Variants in DENND10 observed in about 807,000 individuals in gnomAD.
DENND10 encodes DENN domain containing 10, also known as DENN domain-containing protein 10.
A neutral mutation model predicts 43.6 loss-of-function variants in DENND10; 24 were observed. The observed-to-expected ratio is 0.55, with a 90% CI of 0.40 to 0.77. The LOEUF is 0.77. Ranked by LOEUF, DENND10 falls within the 30% of genes least tolerant of loss-of-function variation. The pLI, the probability that DENND10 is intolerant of heterozygous loss-of-function variation, is 0.00. For missense variants in DENND10, 303 were observed against 429.9 expected, an observed-to-expected ratio of 0.70 and a Z score of 2.61; for synonymous variants, 125 against 157.6, an observed-to-expected ratio of 0.79 and a Z score of 1.55.
intron 5 of DENND10, 130 bp from the exon 6 acceptor site, chr10:119,123,339 C>G: frequency 3.1e-6 from 2 of 639,096 alleles, no homozygotes; most frequent in East Asian, 2.7e-5. Context: ...GGGGCTTGGT[C>G]TCACCTCTGT....
chr10:119,122,997 G>A (rs893713756), intron 5 of DENND10, among the ~76,000 whole-genome samples: 1 of 152,216 alleles, frequency 6.6e-6, no homozygotes. Flanking sequence ...GCTGGGTGCA[G>A]TGGCTCACGC....
chr10:119,111,637 T>C (rs1373817934), intron 2 of DENND10, among the ~76,000 whole-genome samples: 1 of 152,146 alleles, frequency 6.6e-6, no homozygotes, highest in Non-Finnish European at 1.5e-5. Flanking sequence ...TCTCTAAATA[T>C]TGCATTCTTA....
chr10:119,106,289 G>A (rs1365287288), intron 1 of DENND10, among the ~76,000 whole-genome samples: 1 of 152,188 alleles, frequency 6.6e-6, no homozygotes, highest in Non-Finnish European at 1.5e-5. Context: ...CCTTTCGGCA[G>A]ATACCCAGTA....
At chr10:119,135,077 A>C (rs1170457814) in intron 8 of DENND10, 5 of 151,046 alleles carry the variant, frequency 3.3e-5, no homozygotes, top group Non-Finnish European at 7.4e-5. Flanking sequence ...AGGCAGGAGA[A>C]TCGCTTCAAC....
chr10:119,126,734 G>A (rs1845850475), intron 6 of DENND10, among the ~76,000 whole-genome samples: 1 of 152,044 alleles, frequency 6.6e-6, no homozygotes, highest in Non-Finnish European at 1.5e-5. Flanking sequence ...CAAAGTTCTG[G>A]GATTACAGGC....
intron 3 of DENND10, among the ~76,000 whole-genome samples, chr10:119,115,791 T>C (rs988018903): frequency 6.8e-6 from 1 of 146,444 alleles, no homozygotes; most frequent in Admixed American, 6.9e-5. Flanking sequence ...TGAGACGGAA[T>C]CTCGCTCTGT....
intron 2 of DENND10, among the ~76,000 whole-genome samples, chr10:119,110,497 G>A (rs551165699): frequency 1.7e-4 from 26 of 151,520 alleles, no homozygotes; most frequent in African/African-American, 4.8e-4. Flanking sequence ...TCACTCTGTC[G>A]CCCAGCCTGG....
At chr10:119,129,663 A>G (rs1431293525) in intron 7 of DENND10, 41 bp downstream of exon 7, 1 of 1,408,222 alleles carries the variant, frequency 7.1e-7, no homozygotes, top group Non-Finnish European at 1.0e-6. Flanking sequence ...ATATAAGCCA[A>G]ACAGTTGTAC....
chr10:119,121,445 CTTTT>C (rs773938225), intron 5 of DENND10, among the ~76,000 whole-genome samples: 12 of 112,884 alleles, frequency 1.1e-4, no homozygotes, highest in Non-Finnish European at 1.6e-4. Flanking sequence ...CCATTAGGTC[CTTTT>C]TTTTTTTTTT....
chr10:119,121,330 T>C (rs1242151039), intron 5 of DENND10, among the ~76,000 whole-genome samples: 1 of 151,592 alleles, frequency 6.6e-6, no homozygotes, highest in Non-Finnish European at 1.5e-5. Context: ...CGAGATGGGG[T>C]TTCTGGGGTC....
At chr10:119,115,268 C>T (rs1478646718) in intron 3 of DENND10, among the ~76,000 whole-genome samples, 2 of 151,916 alleles carry the variant, frequency 1.3e-5, no homozygotes, top group Admixed American at 1.3e-4. Context: ...AGTTTTTCTC[C>T]CTGTGTGAGC....
At position 119,136,640 on chromosome 10, in the gene DENND10, A is replaced by T. The variant is rs1189018718; in HGVS notation, c.1067A>T (p.Lys356Ile). The change falls in exon 9 of 9, where the codon AAA becomes ATA. Residue 356 changes from lysine to isoleucine, a missense_variant. By Grantham distance (102) the Lys-to-Ile change is moderately radical. Coordinates refer to ENST00000361432, the MANE Select transcript of DENND10 (RefSeq NM_207009.4). ...YHLAAAEQML[K>I]I ...CTAGCAGCAGCCGAACAAATGCTGAAAATCTGACTGTGTGACAGAACGTAT... is the reference window on the plus strand; with the variant it reads ...CTAGCAGCAGCCGAACAAATGCTGATAATCTGACTGTGTGACAGAACGTAT... 6.8e-7 allele frequency: 1 copy of T among 1,478,828 alleles called. No homozygotes were observed. The highest frequency in any genetic ancestry group is 9.1e-7 in the Non-Finnish European group (1 of 1,094,006). 91.6% of individuals were successfully genotyped at this position (1,478,828 alleles called of 1,614,324 possible).
chr10:119,106,780 C>T (rs1035259500), intron 1 of DENND10, among the ~76,000 whole-genome samples: 11 of 152,310 alleles, frequency 7.2e-5, no homozygotes, highest in South Asian at 2.1e-4. Context: ...CACGGTGGCT[C>T]ACGCCTATAA....
intron 8 of DENND10, among the ~76,000 whole-genome samples, chr10:119,135,620 G>A (rs964224611): frequency 5.3e-5 from 8 of 151,632 alleles, no homozygotes; most frequent in East Asian, 1.9e-4. Context: ...AGAGTTAGAC[G>A]GCAGAATAGA....
chr10:119,109,811 A>G (rs1054555732), intron 2 of DENND10, among the ~76,000 whole-genome samples: 3 of 150,396 alleles, frequency 2.0e-5, no homozygotes, highest in African/African-American at 7.3e-5. Context: ...TTTAACTTCA[A>G]TTTTTAATTT....
intron 5 of DENND10, among the ~76,000 whole-genome samples, chr10:119,121,483 C>T (rs920418738): frequency 3.6e-5 from 5 of 139,504 alleles, no homozygotes; most frequent in African/African-American, 5.3e-5. Flanking sequence ...CAGAATCTCT[C>T]GCTTTGTCAC....
At chr10:119,104,805 C>T (rs1268161683) in intron 1 of DENND10, 1 of 152,504 alleles carries the variant, frequency 6.6e-6, no homozygotes, top group Non-Finnish European at 1.5e-5. Flanking sequence ...CGTCTGACGC[C>T]CACTTCACGG....
Position 119,132,461 on chromosome 10 carries a change from G to A in DENND10, c.803-54G>A, listed in dbSNP as rs1846128581. ...GGTCTTCCAAGTTTTCAGATAGATG[G>A]CATGATTATTTTTTATGTCGATTTC... is the stretch of plus-strand genomic sequence containing the variant. On this transcript the variant is annotated intron_variant, in intron 7 of 8. Coordinates refer to ENST00000361432, the MANE Select transcript of DENND10 (RefSeq NM_207009.4). The surrounding 1 kb of genome is among the most constrained non-coding windows in gnomAD (Gnocchi z 4.2). The A allele has an allele frequency of 1.4e-6, 2 of 1,448,488 alleles. No homozygotes were observed. The highest frequency in any genetic ancestry group is 2.8e-5 in the African/African-American group (2 of 71,536). The allele number at this position is 1,448,488 out of a possible 1,614,324, so 89.7% of individuals were successfully genotyped here. A position where few individuals can be genotyped will look rare whatever the true frequency, so the allele number is the denominator to read the frequency against.
chr10:119,115,036 T>C (rs11198782), intron 3 of DENND10, among the ~76,000 whole-genome samples: 141,882 of 152,178 alleles, frequency 0.93, 66,661 homozygotes, highest in Non-Finnish European at 0.99. Flanking sequence ...TCCTAGAGTG[T>C]AGAGATTATA....
Sources: gnomAD v4.1 joint callset for allele counts (sites outside exome capture counted in the v4.1 genomes callset) on GRCh38, gnomAD v4.1.1 for gene constraint, Gnocchi (gnomAD v3.1) non-coding constraint, MANE v1.5 for transcripts, NCBI Gene and HGNC (gene_info 2026-07-23, HGNC 2026-07-21) for gene names.